The following TGFBR3 variants were observed in gnomAD, a reference collection of about 807,000 sequenced individuals.
The protein encoded by TGFBR3 is transforming growth factor beta receptor type 3.
In TGFBR3, 46 loss-of-function variants were observed where a neutral mutation model predicts 87.9. The ratio of observed to expected loss-of-function variants is 0.52; its 90% CI spans 0.41 to 0.67. The LOEUF (loss-of-function observed/expected upper bound fraction) is 0.67. TGFBR3 is among the 30% of genes least tolerant of loss of function. TGFBR3 has a pLI of 0.00. For missense variants in TGFBR3, 866 were observed against 1,041.9 expected (o/e 0.83, Z 2.32); for synonymous variants, 381 against 391.6 (o/e 0.97, Z 0.32).
At chr1:91,794,971 A>G (rs957887682) in intron 3 of TGFBR3, among the ~76,000 whole-genome samples, 2 of 152,232 alleles carry the variant, frequency 1.3e-5, no homozygotes, top group Non-Finnish European at 2.9e-5. Context: ...AATGTTCTCC[A>G]TAGTCATATG....
At chr1:91,814,743 A>G (rs914275413) in intron 2 of TGFBR3, among the ~76,000 whole-genome samples, 5 of 152,254 alleles carry the variant, frequency 3.3e-5, no homozygotes, top group African/African-American at 1.2e-4. Flanking sequence ...ATAAGTGAGG[A>G]AATTCCAGAA....
chr1:91,882,942 A>G (rs2101297276), intron 1 of TGFBR3, among the ~76,000 whole-genome samples: 1 of 152,284 alleles, frequency 6.6e-6, no homozygotes, highest in Admixed American at 6.5e-5. Context: ...AACTGCTGTT[A>G]TTTAGGATTA....
At chr1:91,818,576 T>A (rs1335261478) in intron 2 of TGFBR3, among the ~76,000 whole-genome samples, 1 of 152,144 alleles carries the variant, frequency 6.6e-6, no homozygotes, top group Non-Finnish European at 1.5e-5. Context: ...ATATCATGTA[T>A]CTTTGGAGAA....
At chr1:91,732,983 A>G (rs1410245492) in intron 5 of TGFBR3, among the ~76,000 whole-genome samples, 1 of 152,230 alleles carries the variant, frequency 6.6e-6, no homozygotes, top group Non-Finnish European at 1.5e-5. Context: ...CTTTCATGCT[A>G]CTAGAATTCT....
At chr1:91,741,193 T>C (rs1673147456) in intron 4 of TGFBR3, among the ~76,000 whole-genome samples, 1 of 152,238 alleles carries the variant, frequency 6.6e-6, no homozygotes, top group African/African-American at 2.4e-5. Context: ...AGTGGGGCTA[T>C]AAATCATAGG....
intron 2 of TGFBR3, among the ~76,000 whole-genome samples, chr1:91,892,331 C>G (rs1430402277): frequency 6.7e-6 from 1 of 149,022 alleles, no homozygotes; most frequent in African/African-American, 2.6e-5. Context: ...CTCAGCCCCA[C>G]CTCCACAACA....
At chr1:91,800,006 T>C (rs931290025) in intron 2 of TGFBR3, among the ~76,000 whole-genome samples, 3 of 151,528 alleles carry the variant, frequency 2.0e-5, no homozygotes, top group Non-Finnish European at 2.9e-5. Context: ...TAGCCACGGG[T>C]TGGTTATATG....
At chr1:91,689,042 A>G (rs1255078404) in intron 16 of TGFBR3, among the ~76,000 whole-genome samples, 3 of 152,128 alleles carry the variant, frequency 2.0e-5, no homozygotes, top group Non-Finnish European at 2.9e-5. Flanking sequence ...AAACCATTAA[A>G]CACAGAGGTT....
intron 2 of TGFBR3, among the ~76,000 whole-genome samples, chr1:91,857,225 C>T (rs1452763055): frequency 6.6e-6 from 1 of 152,082 alleles, no homozygotes; most frequent in Non-Finnish European, 1.5e-5. Flanking sequence ...AAGAAGAGAG[C>T]ATCCAAACCA....
chr1:91,800,328 A>ATG (rs386417805), intron 2 of TGFBR3, among the ~76,000 whole-genome samples: 2,020 of 122,510 alleles, frequency 0.016, 44 homozygotes, highest in African/African-American at 0.05. Flanking sequence ...ATATATGTGT[A>ATG]TATGTGTGTG....
At chr1:91,843,536 T>A (rs1328299018) in intron 2 of TGFBR3, among the ~76,000 whole-genome samples, 7 of 152,216 alleles carry the variant, frequency 4.6e-5, no homozygotes, top group Admixed American at 4.6e-4. Flanking sequence ...CCAAACTAGG[T>A]AAGTACTATG....
In TGFBR3 at chr1:91,800,328, ATATG is replaced by A. The variant is rs1484021067; in HGVS notation, c.62-2861_62-2858del. Among the ~76,000 whole-genome samples, 347 of 122,622 alleles carry A rather than the reference ATATG, an allele frequency of 2.8e-3. 3 individuals are homozygous for A. Among genetic ancestry groups the A allele is most frequent in the African/African-American group, 0.01 (312 of 30,994 alleles). The allele number at this position is 122,622 out of a possible 152,430, so 80.4% of individuals were successfully genotyped here. A position where few individuals can be genotyped will look rare whatever the true frequency, so the allele number is the denominator to read the frequency against. On this transcript the variant is annotated intron_variant, in intron 2 of 16. Transcript: ENST00000212355. The stretch of plus-strand genomic sequence containing the variant: ...CATGCATATATGTATATATATGTGT[ATATG>A]TGTGTGTGTGTGTGTGTGTGTGTAT...
chr1:91,711,338 A>C (rs995195890), intron 13 of TGFBR3, among the ~76,000 whole-genome samples: 4 of 152,232 alleles, frequency 2.6e-5, no homozygotes, highest in African/African-American at 9.6e-5. Context: ...TAATGATGCA[A>C]GGAATTCAGA....
chr1:91,719,217 C>G, intron 10 of TGFBR3, 95 bp downstream of exon 10: 11 of 1,562,396 alleles, frequency 7.0e-6, no homozygotes, highest in Non-Finnish European at 9.7e-6. Flanking sequence ...GGGTGAAAAC[C>G]CTCTTCATCT....
At chr1:91,740,052 T>C (rs1036917998) in intron 4 of TGFBR3, among the ~76,000 whole-genome samples, 4 of 152,148 alleles carry the variant, frequency 2.6e-5, no homozygotes, top group African/African-American at 9.7e-5. Flanking sequence ...GATTACAATT[T>C]ATTTTATTTT....
In TGFBR3 at chr1:91,727,698, C is replaced by G; in HGVS notation, c.846G>C (p.Val282=). 1 of 1,614,126 alleles carries G rather than the reference C, an allele frequency of 6.2e-7. No homozygotes were observed. Among genetic ancestry groups the G allele is most frequent in the Non-Finnish European group, 8.5e-7 (1 of 1,180,004 alleles). The change falls in exon 7 of 17, where the codon GTG becomes GTC. Residue 282 remains valine (V), a synonymous_variant. Coordinates refer to ENST00000212355, the MANE Select transcript of TGFBR3 (RefSeq NM_003243.5). ...TTCCCTTAACATCAAAAGATTTGAT[C>G]ACCCAGTTGACAGACTTTTTGCACT... ...ILKCKKSVNW[V]IKSFDVKGSL...
chr1:91,869,676 A>G (rs1678513348), intron 1 of TGFBR3, among the ~76,000 whole-genome samples: 1 of 152,230 alleles, frequency 6.6e-6, no homozygotes, highest in Non-Finnish European at 1.5e-5. Flanking sequence ...ACAAAAGAAA[A>G]AAGAAAAAAT....
chr1:91,779,679 T>C (rs1440169627), intron 3 of TGFBR3, among the ~76,000 whole-genome samples: 1 of 152,124 alleles, frequency 6.6e-6, no homozygotes, highest in Non-Finnish European at 1.5e-5. Context: ...GTAGCGTCCT[T>C]TACAGAGCTG....
At chr1:91,880,355 C>A (rs1004679036) in intron 1 of TGFBR3, among the ~76,000 whole-genome samples, 1 of 152,114 alleles carries the variant, frequency 6.6e-6, no homozygotes, top group Non-Finnish European at 1.5e-5. Context: ...AATCCCAGCA[C>A]GTTGGGAGGC....
Sources: gnomAD v4.1 joint callset for allele counts (sites outside exome capture counted in the v4.1 genomes callset) on GRCh38, gnomAD v4.1.1 for gene constraint, MANE v1.5 for transcripts, NCBI Gene and HGNC (gene_info 2026-07-23, HGNC 2026-07-21) for gene names.